SP110: variants seen among roughly 807,000 people sequenced by gnomAD.
SP110 encodes the protein SP110 nuclear body protein, also known as interferon-induced protein 41, 30kD.
SP110 carries 62 observed loss-of-function variants against 92.7 expected under a neutral mutation model. The ratio of observed to expected loss-of-function variants is 0.67; its 90% CI spans 0.55 to 0.83. The LOEUF is 0.83. SP110 is among the 40% of genes least tolerant of loss of function. The pLI, the probability that SP110 is intolerant of heterozygous loss-of-function variation, is 0.00. For missense variants in SP110, 793 were observed against 863.9 expected (o/e 0.92, Z 1.03); for synonymous variants, 273 against 305.3 (o/e 0.89, Z 1.10).
At chr2:230,207,145 G>GT (rs973095932) in intron 8 of SP110, among the ~76,000 whole-genome samples, 1 of 152,110 alleles carries the variant, frequency 6.6e-6, no homozygotes, top group Non-Finnish European at 1.5e-5. Context: ...AAGCAGCAAA[G>GT]TTTTTTCTTT....
chr2:230,212,452 T>C (rs1489856325), intron 4 of SP110, 22 bp from the exon 5 acceptor site: 1 of 1,551,808 alleles, frequency 6.4e-7, no homozygotes, highest in Non-Finnish European at 8.9e-7. Context: ...AAGGAAATTA[T>C]TACAGATTGC....
intron 16 of SP110, 56 bp downstream of exon 16, chr2:230,172,010 T>A: frequency 9.1e-7 from 1 of 1,095,654 alleles, no homozygotes; most frequent in Non-Finnish European, 1.4e-6. Flanking sequence ...TGTGCCTGTT[T>A]GTGCTTCTCG....
At chr2:230,187,788 G>A (rs1229075964) in intron 10 of SP110, among the ~76,000 whole-genome samples, 1 of 152,138 alleles carries the variant, frequency 6.6e-6, no homozygotes, top group African/African-American at 2.4e-5. Flanking sequence ...CTTTGTCAAA[G>A]ATCAGTTGGT....
intron 10 of SP110, among the ~76,000 whole-genome samples, chr2:230,196,495 G>A (rs1472361820): frequency 6.6e-6 from 1 of 151,544 alleles, no homozygotes; most frequent in Non-Finnish European, 1.5e-5. Context: ...AGTGGGGGAA[G>A]CAGATTAAAT....
intron 8 of SP110, among the ~76,000 whole-genome samples, chr2:230,206,819 T>TTAGAGCTA (rs898927530): frequency 1.3e-5 from 2 of 151,792 alleles, no homozygotes; most frequent in Admixed American, 1.3e-4. Flanking sequence ...ACCATGAGAA[T>TTAGAGCTA]TAGAGCTATA....
At chr2:230,225,275 T>C (rs2046188962) in intron 1 of SP110, among the ~76,000 whole-genome samples, 1 of 152,190 alleles carries the variant, frequency 6.6e-6, no homozygotes, top group Non-Finnish European at 1.5e-5. Flanking sequence ...TTGAGAGAGT[T>C]GTCTTTTACC....
Position 230,168,321 on chromosome 2 carries a change from T to C in SP110, c.*803A>G, listed in dbSNP as rs146319054. On this transcript the variant is annotated 3_prime_UTR_variant, in exon 19 of 19. Transcript: ENST00000258381. ...ATAAAAAAACAAGCATTTATCCTAT[T>C]TTTTGTACAACCTGTATTTCAAGGT... The C allele has an allele frequency of 6.6e-6, 1 of 152,248 alleles. No individual in the cohort carries two copies. The highest frequency in any genetic ancestry group is 1.5e-5 in the Non-Finnish European group (1 of 68,030). The allele number at this position is 152,248 out of a possible 1,614,324, so 9.4% of individuals were successfully genotyped here.
rs2078316790 is a variant in SP110, at chr2:230,166,761, G to A, written c.*2363C>T. 1.3e-5 allele frequency among the ~76,000 whole-genome samples: 2 copies of A among 152,180 alleles called. No individual in the cohort carries two copies. The highest frequency in any genetic ancestry group is 2.4e-5 in the African/African-American group (1 of 41,436). ...CCAATACAGAACCGAGGAAGACAAG[G>A]AAGAAGCCTGTGGGGTAGGATGGGA... On this transcript the variant is annotated 3_prime_UTR_variant, in exon 19 of 19. Transcript: ENST00000258381.
rs2078359388 is a variant in SP110, at chr2:230,169,001, G to A, written c.*123C>T. 1 of 751,274 alleles carries A rather than the reference G, an allele frequency of 1.3e-6. No homozygotes were observed. The highest frequency in any genetic ancestry group is 2.5e-4 in the Middle Eastern group (1 of 4,044). 46.5% of individuals were successfully genotyped at this position (751,274 alleles called of 1,614,324 possible). ...GGAGGGTGTGATAATCCTATGAAGT[G>A]TCTGGGTTTGGGTCCTGAGGGCAGC... On this transcript the variant is annotated 3_prime_UTR_variant, in exon 19 of 19. Coordinates refer to ENST00000258381, the MANE Select transcript of SP110 (RefSeq NM_080424.4).
In SP110 at chr2:230,168,725, C is replaced by G. The variant is rs1483228980; in HGVS notation, c.*399G>C. The G allele has an allele frequency of 5.9e-6, 1 of 168,902 alleles. No individual in the cohort carries two copies. Among genetic ancestry groups the G allele is most frequent in the Non-Finnish European group, 1.3e-5 (1 of 77,456 alleles). The allele number at this position is 168,902 out of a possible 1,614,324, so 10.5% of individuals were successfully genotyped here. A position where few individuals can be genotyped will look rare whatever the true frequency, so the allele number is the denominator to read the frequency against. ...CAGATTGCAAAAAATGTAATAGGAC[C>G]AAAACCCTGAGTTCTTCAATAAATA... On this transcript the variant is annotated 3_prime_UTR_variant, in exon 19 of 19. Transcript: ENST00000258381.
At chr2:230,216,396 G>A (rs533724054) in intron 2 of SP110, among the ~76,000 whole-genome samples, 2 of 152,278 alleles carry the variant, frequency 1.3e-5, no homozygotes, top group Non-Finnish European at 2.9e-5. Flanking sequence ...CATCTACAAG[G>A]CAAGGAACAC....
upstream of SP110, among the ~76,000 whole-genome samples, chr2:230,223,294 C>T (rs1204933130): frequency 1.3e-5 from 2 of 152,154 alleles, no homozygotes; most frequent in African/African-American, 2.4e-5. Context: ...CTCAGCCTCC[C>T]GAAGTGCTGG....
At chr2:230,173,188 C>T in intron 14 of SP110, 2 of 501,314 alleles carry the variant, frequency 4.0e-6, no homozygotes, top group Non-Finnish European at 7.6e-6. Flanking sequence ...TCTTCTCTGG[C>T]TGTGGCTTGC....
chr2:230,186,385 T>C (rs984515670), intron 10 of SP110, among the ~76,000 whole-genome samples: 22 of 152,206 alleles, frequency 1.4e-4, no homozygotes, highest in Admixed American at 3.9e-4. Context: ...TGTGTCTGTC[T>C]TGCTCACTGC....
chr2:230,177,346 A>G, intron 14 of SP110, 192 bp downstream of exon 14: 1 of 682,956 alleles, frequency 1.5e-6, no homozygotes. Context: ...ACTTGCATTT[A>G]AAGTTCTCCA....
At chr2:230,218,904 C>G (rs2045529393) in intron 1 of SP110, among the ~76,000 whole-genome samples, 1 of 151,972 alleles carries the variant, frequency 6.6e-6, no homozygotes, top group Non-Finnish European at 1.5e-5. Context: ...ATGAATAATA[C>G]GATAAGCATG....
intron 10 of SP110, among the ~76,000 whole-genome samples, chr2:230,198,495 G>C (rs901425872): frequency 6.6e-6 from 1 of 152,188 alleles, no homozygotes; most frequent in Non-Finnish European, 1.5e-5. Flanking sequence ...TAAAGCCCCT[G>C]ATTCTGAGCC....
intron 7 of SP110, among the ~76,000 whole-genome samples, chr2:230,209,336 G>A (rs56275915): frequency 0.12 from 18,680 of 152,090 alleles, 1,286 homozygotes; most frequent in South Asian, 0.27. Flanking sequence ...TCTGTTATCC[G>A]TGTGTACCCT....
intron 12 of SP110, among the ~76,000 whole-genome samples, chr2:230,179,611 G>A (rs932952947): frequency 7.2e-6 from 1 of 138,178 alleles, no homozygotes; most frequent in Non-Finnish European, 1.6e-5. Context: ...GGTTCCTAAT[G>A]TGAGGGAAAG....
Sources: gnomAD v4.1 joint callset for allele counts (sites outside exome capture counted in the v4.1 genomes callset) on GRCh38, gnomAD v4.1.1 for gene constraint, MANE v1.5 for transcripts, NCBI Gene and HGNC (gene_info 2026-07-23, HGNC 2026-07-21) for gene names.